SLC26A7: variants seen among roughly 807,000 people sequenced by gnomAD.
SLC26A7 encodes anion exchange transporter.
In SLC26A7, 59 loss-of-function variants were observed where a neutral mutation model predicts 82.5. The ratio of observed to expected loss-of-function variants is 0.72; its 90% CI spans 0.58 to 0.89. SLC26A7 has a LOEUF of 0.89. SLC26A7 is among the 40% of genes least tolerant of loss of function. The probability of loss-of-function intolerance (pLI) is 0.00; values close to 1 mark genes in which losing one functional copy is unlikely to be tolerated. For synonymous variants in SLC26A7, 271 were observed against 274.3 expected, an observed-to-expected ratio of 0.99 and a Z score of 0.12; for missense variants, 820 against 793.0, an observed-to-expected ratio of 1.03 and a Z score of -0.41.
At chr8:91,309,786 G>A (rs375377490) in intron 4 of SLC26A7, among the ~76,000 whole-genome samples, 38 of 152,164 alleles carry the variant, frequency 2.5e-4, no homozygotes, top group African/African-American at 6.3e-4. Flanking sequence ...GGAGTCTTGC[G>A]TTCCCTCTCC....
At chr8:91,214,403 T>C (rs1809999859) in intron 1 of SLC26A7, among the ~76,000 whole-genome samples, 1 of 152,174 alleles carries the variant, frequency 6.6e-6, no homozygotes, top group Admixed American at 6.5e-5. Flanking sequence ...CAGTATGTTA[T>C]TTGAAAACAT....
chr8:91,290,527 C>T lies in SLC26A7; in HGVS notation c.304+1281C>T, dbSNP rs1430459401. On this transcript the variant is annotated intron_variant, in intron 3 of 18. Coordinates refer to ENST00000276609, the MANE Select transcript of SLC26A7 (RefSeq NM_052832.4). ...TTCAACCATGCGATATGTAAACATG[C>T]AGTATCGCATCTTCAAATTCTCTTT... Among the ~76,000 whole-genome samples, 5 of 152,160 alleles carry T rather than the reference C, an allele frequency of 3.3e-5. No individual in the cohort carries two copies. The East Asian group carries it at 5.8e-4, about 18-fold the overall frequency.
upstream of SLC26A7, among the ~76,000 whole-genome samples, chr8:91,246,710 A>C (rs1342281467): frequency 3.3e-5 from 5 of 151,950 alleles, no homozygotes; most frequent in Admixed American, 6.6e-5. Flanking sequence ...TAAAAAAAAA[A>C]AAAAACAAAA....
At chr8:91,363,360 A>G (rs1468280800) in intron 12 of SLC26A7, 112 bp from the exon 13 acceptor site, 1 of 599,564 alleles carries the variant, frequency 1.7e-6, no homozygotes, top group South Asian at 1.9e-5. Flanking sequence ...GTTATAGGAT[A>G]TAAATCATCT....
chr8:91,319,702 C>T (rs1812737750), intron 5 of SLC26A7, among the ~76,000 whole-genome samples: 2 of 152,212 alleles, frequency 1.3e-5, no homozygotes, highest in South Asian at 2.1e-4. Context: ...GTCTACACGA[C>T]AGAACCAAAG....
At chr8:91,315,941 T>C (rs188673353) in intron 4 of SLC26A7, among the ~76,000 whole-genome samples, 9 of 152,294 alleles carry the variant, frequency 5.9e-5, no homozygotes, top group Admixed American at 5.2e-4. Flanking sequence ...TAATAATTTA[T>C]AGATGATAAT....
At chr8:91,218,281 A>G (rs1810091774) in intron 1 of SLC26A7, among the ~76,000 whole-genome samples, 2 of 152,170 alleles carry the variant, frequency 1.3e-5, no homozygotes, top group South Asian at 4.1e-4. Flanking sequence ...TGAGGTTACC[A>G]TTATTTCAAA....
At position 91,395,371 on chromosome 8, in the gene SLC26A7, T is replaced by C; in HGVS notation, c.*274T>C. 5.2e-6 allele frequency: 3 copies of C among 578,386 alleles called. No individual in the cohort carries two copies. The highest frequency in any genetic ancestry group is 7.4e-6 in the Non-Finnish European group (3 of 407,030). The allele number at this position is 578,386 out of a possible 1,614,324, so 35.8% of individuals were successfully genotyped here. A position where few individuals can be genotyped will look rare whatever the true frequency, so the allele number is the denominator to read the frequency against. On this transcript the variant is annotated 3_prime_UTR_variant, in exon 19 of 19. Coordinates refer to ENST00000276609, the MANE Select transcript of SLC26A7 (RefSeq NM_052832.4). The stretch of plus-strand genomic sequence containing the variant: ...AAGGGTAAACATGGTTTTATTTTAT[T>C]TTACCATATTATTTTGTGTTGTTTT...
chr8:91,369,178 C>T (rs1194203942), intron 14 of SLC26A7, among the ~76,000 whole-genome samples: 1 of 152,214 alleles, frequency 6.6e-6, no homozygotes. Flanking sequence ...AAATTTATAA[C>T]TTCATATGCT....
intron 4 of SLC26A7, among the ~76,000 whole-genome samples, chr8:91,301,401 A>T (rs1167586647): frequency 6.6e-6 from 1 of 152,150 alleles, no homozygotes; most frequent in Non-Finnish European, 1.5e-5. Context: ...TTTTACAAAA[A>T]TTGGTCAGTT....
intron 16 of SLC26A7, among the ~76,000 whole-genome samples, chr8:91,390,326 C>G (rs1814927359): frequency 6.6e-6 from 1 of 152,074 alleles, no homozygotes; most frequent in Admixed American, 6.5e-5. Context: ...ACCATGCTAT[C>G]CAGGATGGTC....
chr8:91,395,413 A>C lies in SLC26A7; in HGVS notation c.*316A>C, dbSNP rs1014889904. 6.5e-5 allele frequency: 22 copies of C among 338,006 alleles called. 1 individual carries two copies. The highest frequency in any genetic ancestry group is 9.3e-6 in the Non-Finnish European group (2 of 214,094). The allele number at this position is 338,006 out of a possible 1,614,324, so 20.9% of individuals were successfully genotyped here. A position where few individuals can be genotyped will look rare whatever the true frequency, so the allele number is the denominator to read the frequency against. On this transcript the variant is annotated 3_prime_UTR_variant, in exon 19 of 19. Transcript: ENST00000276609. ...TGTTGTTTTATTTCTATTGTGCTGTAAGTTGATGTTTAAAATTGAGAAATA... is the reference window on the plus strand; with the variant it reads ...TGTTGTTTTATTTCTATTGTGCTGTCAGTTGATGTTTAAAATTGAGAAATA...
rs372103147 is a variant in SLC26A7, at chr8:91,391,840, TTTG to T, written c.1777-1942_1777-1940del. Among the ~76,000 whole-genome samples, 260 of 152,144 alleles carry T rather than the reference TTTG, an allele frequency of 1.7e-3. 1 individual carries two copies. Among genetic ancestry groups the T allele is most frequent in the Non-Finnish European group, 2.4e-3 (164 of 67,992 alleles). On this transcript the variant is annotated intron_variant, in intron 16 of 18. Coordinates refer to ENST00000276609, the MANE Select transcript of SLC26A7 (RefSeq NM_052832.4). ...TAAACTGGGAAAGGCCAGTATGGTT[TTTG>T]TTGTTGTTGTTGTTCAATTCCATTT...
At chr8:91,271,845 C>A (rs1337566886) in intron 2 of SLC26A7, among the ~76,000 whole-genome samples, 2 of 152,130 alleles carry the variant, frequency 1.3e-5, no homozygotes, top group South Asian at 4.1e-4. Context: ...CCGCCTGCCT[C>A]GGCCTCTCAA....
chr8:91,300,051 C>G (rs1005994006), intron 4 of SLC26A7, among the ~76,000 whole-genome samples: 6 of 152,082 alleles, frequency 3.9e-5, no homozygotes, highest in Admixed American at 6.6e-5. Flanking sequence ...AAGAAACTTG[C>G]TGATACTTTT....
intron 2 of SLC26A7, among the ~76,000 whole-genome samples, chr8:91,267,386 T>C (rs1811143500): frequency 6.6e-6 from 1 of 151,872 alleles, no homozygotes; most frequent in Non-Finnish European, 1.5e-5. Flanking sequence ...GCCATCAGAT[T>C]CTTGGCTTTT....
chr8:91,220,915 G>C (rs960759359), intron 2 of SLC26A7, among the ~76,000 whole-genome samples: 4 of 152,126 alleles, frequency 2.6e-5, no homozygotes, highest in Non-Finnish European at 5.9e-5. Context: ...CTAGATCTTT[G>C]AGGAATAGCC....
intron 13 of SLC26A7, among the ~76,000 whole-genome samples, chr8:91,363,995 G>A (rs1814122760): frequency 6.7e-6 from 1 of 150,068 alleles, no homozygotes; most frequent in African/African-American, 2.5e-5. Flanking sequence ...TTAGCAGAGG[G>A]TAATTCAGTC....
chr8:91,350,542 C>T (rs1813685340), intron 9 of SLC26A7, among the ~76,000 whole-genome samples: 1 of 152,024 alleles, frequency 6.6e-6, no homozygotes, highest in Non-Finnish European at 1.5e-5. Context: ...TTGCCTCCAC[C>T]TCCAGCCTCT....
Sources: gnomAD v4.1 joint callset for allele counts (sites outside exome capture counted in the v4.1 genomes callset) on GRCh38, gnomAD v4.1.1 for gene constraint, MANE v1.5 for transcripts, NCBI Gene and HGNC (gene_info 2026-07-23, HGNC 2026-07-21) for gene names.